Variants in SSBP3 observed in about 807,000 individuals in gnomAD.
SSBP3 encodes the protein single-stranded DNA-binding protein 3.
A neutral mutation model predicts 69.6 loss-of-function variants in SSBP3; 5 were observed. That is an observed-to-expected ratio of 0.07 (90% CI 0.04 to 0.15). The LOEUF (loss-of-function observed/expected upper bound fraction) is 0.15. Among genes scored for constraint, SSBP3 ranks in the 10% least tolerant of loss-of-function variants. The pLI is 1.00. For missense variants in SSBP3, 312 were observed against 534.0 expected, an observed-to-expected ratio of 0.58 and a Z score of 4.10; for synonymous variants, 196 against 193.4, an observed-to-expected ratio of 1.01 and a Z score of -0.11.
At chr1:54,323,065 AC>A (rs1413311228) in intron 4 of SSBP3, among the ~76,000 whole-genome samples, 11 of 152,180 alleles carry the variant, frequency 7.2e-5, no homozygotes, top group African/African-American at 2.4e-4. Flanking sequence ...AGGCAGAAGA[AC>A]CTTTTTGAGT....
intron 4 of SSBP3, among the ~76,000 whole-genome samples, chr1:54,329,860 C>T (rs536195514): frequency 2.0e-5 from 3 of 152,278 alleles, no homozygotes; most frequent in South Asian, 4.1e-4. Context: ...TCATCTTGGG[C>T]TGCTAGGGCT....
rs72665938 is a variant in SSBP3 at position 54,342,191 on chromosome 1, G to A, written c.276+59670C>T. 1.2e-3 allele frequency among the ~76,000 whole-genome samples: 188 copies of A among 152,362 alleles called. 3 individuals carry two copies. Among genetic ancestry groups the A allele is most frequent in the Admixed American group, 3.5e-3 (53 of 15,302 alleles). ...TGCAGAGTCCAGGCATCCAGGTCTG[G>A]AACTGGAAGGTACTTCGCAAAGTGC... On this transcript the variant is annotated intron_variant, in intron 4 of 17. Coordinates refer to ENST00000610401, the Ensembl canonical transcript of SSBP3.
upstream of SSBP3, among the ~76,000 whole-genome samples, chr1:54,411,298 T>G (rs1457686545): frequency 6.6e-6 from 1 of 151,670 alleles, no homozygotes; most frequent in African/African-American, 2.4e-5. Context: ...GCCAACATGG[T>G]GAAACCCCGT....
In SSBP3 at chr1:54,228,429, G is replaced by A; in HGVS notation, c.1035+20C>T. ...CCCACACAGATGGGGCGCCGCCAGG[G>A]AGACCGAGTGCACACTCACTTTTGG... On this transcript the variant is annotated intron_variant, in intron 16 of 17. Coordinates refer to ENST00000610401, the Ensembl canonical transcript of SSBP3. 1 of 1,614,210 alleles carries A rather than the reference G, an allele frequency of 6.2e-7. No individual in the cohort carries two copies. Among genetic ancestry groups the A allele is most frequent in the African/African-American group, 1.3e-5 (1 of 75,058 alleles).
At chr1:54,369,111 A>G (rs1204399339) in intron 4 of SSBP3, among the ~76,000 whole-genome samples, 1 of 152,140 alleles carries the variant, frequency 6.6e-6, no homozygotes, top group Admixed American at 6.5e-5. Context: ...AAACGAAAAA[A>G]AGTAAGTCAG....
intron 4 of SSBP3, among the ~76,000 whole-genome samples, chr1:54,312,142 T>C (rs1646014617): frequency 6.6e-6 from 1 of 152,134 alleles, no homozygotes; most frequent in South Asian, 2.1e-4. Context: ...TTAAAGAATA[T>C]GCAGTGGCCA....
chr1:54,377,864 G>A (rs902888167), intron 4 of SSBP3, among the ~76,000 whole-genome samples: 4 of 152,078 alleles, frequency 2.6e-5, no homozygotes, highest in Non-Finnish European at 5.9e-5. Flanking sequence ...TGTAAATTTA[G>A]GGTGGAACAT....
At chr1:54,233,762 T>TG (rs1238619074) in intron 14 of SSBP3, among the ~76,000 whole-genome samples, 84 of 140,250 alleles carry the variant, frequency 6.0e-4, no homozygotes, top group Middle Eastern at 4.0e-3. Context: ...GGGAGGGAGG[T>TG]GGGGGGGTCA....
At chr1:54,338,561 C>T (rs1044975793) in intron 4 of SSBP3, among the ~76,000 whole-genome samples, 1 of 152,146 alleles carries the variant, frequency 6.6e-6, no homozygotes, top group African/African-American at 2.4e-5. Flanking sequence ...GGTAACTGTC[C>T]GGTCACTCTG....
chr1:54,341,711 G>GA (rs113716850), intron 4 of SSBP3, among the ~76,000 whole-genome samples: 2,592 of 139,810 alleles, frequency 0.019, 74 homozygotes, highest in African/African-American at 0.06. Flanking sequence ...TATAATGATT[G>GA]AAAAAAAAAA....
At chr1:54,266,577 A>T (rs922826878) in intron 5 of SSBP3, among the ~76,000 whole-genome samples, 2 of 152,210 alleles carry the variant, frequency 1.3e-5, no homozygotes, top group African/African-American at 2.4e-5. Flanking sequence ...GAGGGAAAAA[A>T]GTGGAGTCTT....
intron 4 of SSBP3, among the ~76,000 whole-genome samples, chr1:54,288,812 A>G (rs187743242): frequency 1.3e-5 from 2 of 152,036 alleles, no homozygotes; most frequent in African/African-American, 2.4e-5. Flanking sequence ...AGGTCAGGAG[A>G]TCGAGACCAT....
intron 4 of SSBP3, among the ~76,000 whole-genome samples, chr1:54,367,172 C>A (rs887286806): frequency 1.3e-5 from 2 of 152,130 alleles, no homozygotes; most frequent in Admixed American, 1.3e-4. Flanking sequence ...CCTCCATAAG[C>A]CAGTTCTTTT....
At chr1:54,407,950 A>T (rs1250687480), upstream of SSBP3, among the ~76,000 whole-genome samples, 1 of 152,108 alleles carries the variant, frequency 6.6e-6, no homozygotes, top group Non-Finnish European at 1.5e-5. Context: ...GCTTATTTTG[A>T]TCTGTAGAAG....
intron 5 of SSBP3, among the ~76,000 whole-genome samples, chr1:54,276,729 G>GATCT (rs1202251133): frequency 4.7e-5 from 7 of 150,124 alleles, no homozygotes; most frequent in African/African-American, 1.5e-4. Flanking sequence ...GTGGAACACA[G>GATCT]ATCTGGCCAA....
chr1:54,302,992 G>A (rs560966764), intron 4 of SSBP3, among the ~76,000 whole-genome samples: 22 of 152,176 alleles, frequency 1.4e-4, no homozygotes, highest in Non-Finnish European at 2.4e-4. Flanking sequence ...GTGATCTAGC[G>A]GGGCAGACGA....
At chr1:54,410,330 A>T (rs1466113482), upstream of SSBP3, among the ~76,000 whole-genome samples, 1 of 152,224 alleles carries the variant, frequency 6.6e-6, no homozygotes, top group Non-Finnish European at 1.5e-5. Context: ...CCAGGCCTCC[A>T]GAAGGAGGTG....
intron 4 of SSBP3, among the ~76,000 whole-genome samples, chr1:54,311,462 T>A (rs1011602968): frequency 1.3e-5 from 2 of 152,314 alleles, no homozygotes; most frequent in Admixed American, 6.5e-5. Flanking sequence ...TTGCAGGACC[T>A]GTCGTGAGGC....
intron 4 of SSBP3, among the ~76,000 whole-genome samples, chr1:54,331,553 T>C (rs1177262795): frequency 2.6e-5 from 4 of 152,188 alleles, no homozygotes; most frequent in African/African-American, 7.2e-5. Context: ...CTACTGTGCA[T>C]AGGATCTCAC....
Sources: allele counts gnomAD v4.1 joint callset (sites outside exome capture counted in the v4.1 genomes callset), GRCh38; gene constraint gnomAD v4.1.1; transcripts MANE v1.5; gene names NCBI Gene and HGNC (gene_info 2026-07-23, HGNC 2026-07-21).